HMCN2: variants seen among roughly 807,000 people sequenced by gnomAD.
The protein encoded by HMCN2 is hemicentin 2.
HMCN2 carries 325 observed loss-of-function variants against 377.5 expected under a neutral mutation model. That is an observed-to-expected ratio of 0.86 (90% confidence interval 0.79 to 0.94). The LOEUF is 0.94. HMCN2 is among the 40% of genes least tolerant of loss of function. The probability of loss-of-function intolerance (pLI) is 0.00; values close to 1 mark genes in which losing one functional copy is unlikely to be tolerated. For missense variants in HMCN2, 4,543 were observed against 4,725.3 expected (o/e 0.96, Z 1.13); for synonymous variants, 2,007 against 2,046.8 (o/e 0.98, Z 0.53).
intron 32 of HMCN2, among the ~76,000 whole-genome samples, chr9:130,355,271 C>A (rs1221664787): frequency 1.3e-5 from 2 of 152,138 alleles, no homozygotes; most frequent in Non-Finnish European, 2.9e-5. Flanking sequence ...CCTGACTGTG[C>A]CCAGGACCCT....
At chr9:130,332,870 C>T (rs918245292) in intron 22 of HMCN2, among the ~76,000 whole-genome samples, 1 of 152,236 alleles carries the variant, frequency 6.6e-6, no homozygotes, top group Non-Finnish European at 1.5e-5. Flanking sequence ...AGCCGTGCAG[C>T]AGGCTGGGTG....
intron 1 of HMCN2, among the ~76,000 whole-genome samples, chr9:130,282,209 C>T (rs1329907064): frequency 6.6e-6 from 1 of 152,228 alleles, no homozygotes; most frequent in Non-Finnish European, 1.5e-5. Context: ...CTCACGTTAG[C>T]AGTGCCTCTT....
chr9:130,359,304 C>A lies in HMCN2; in HGVS notation c.5678-15C>A. ...TTGCACCTACCAAGCTGGGTCTCTC[C>A]TTGTCTCCCCCTAGTGCCCCCCAAC... On this transcript the variant is annotated splice_polypyrimidine_tract_variant and intron_variant, in intron 36 of 97. Transcript: ENST00000683500. 1 of 1,294,576 alleles carries A rather than the reference C, an allele frequency of 7.7e-7. No homozygotes were observed. The highest frequency in any genetic ancestry group is 1.0e-6 in the Non-Finnish European group (1 of 980,724). 80.2% of individuals were successfully genotyped at this position (1,294,576 alleles called of 1,614,324 possible). A position where few individuals can be genotyped will look rare whatever the true frequency, so the allele number is the denominator to read the frequency against.
chr9:130,398,153 C>CA (rs397940740), intron 74 of HMCN2, among the ~76,000 whole-genome samples: 1,413 of 33,858 alleles, frequency 0.042, 109 homozygotes, highest in African/African-American at 0.076. Context: ...ACTCCGTCTA[C>CA]AAAAAAAAAA....
At chr9:130,334,909 A>C (rs1838661238) in intron 22 of HMCN2, among the ~76,000 whole-genome samples, 1 of 151,010 alleles carries the variant, frequency 6.6e-6, no homozygotes, top group Non-Finnish European at 1.5e-5. Flanking sequence ...ACAGTGGCAC[A>C]ACCAGAGCTC....
chr9:130,424,793 C>A lies in HMCN2; in HGVS notation c.13399C>A (p.Leu4467Ile). 6.5e-7 allele frequency: 1 copy of A among 1,540,346 alleles called. No homozygotes were observed. Among genetic ancestry groups the A allele is most frequent in the Non-Finnish European group, 8.8e-7 (1 of 1,141,180 alleles). The change falls in exon 88 of 98, where the codon CTC becomes ATC. Residue 4467 changes from leucine to isoleucine, a missense_variant. By Grantham distance (5) the Leu-to-Ile change is conservative. This residue lies in a region of HMCN2 where 1,155 missense variants were observed against 1,157.7 expected (regional missense o/e 1.00). Transcript: ENST00000683500. The part of the protein sequence containing the change: ...PANVGPLMRV[L>I]VVTIAPIYWA... ...CCACCCAGGGCCTCTGATGCGGGTGCTCGTGGTCACCATCGCCCCCATCTA... is the reference window on the plus strand; with the variant it reads ...CCACCCAGGGCCTCTGATGCGGGTGATCGTGGTCACCATCGCCCCCATCTA...
At position 130,429,406 on chromosome 9, in the gene HMCN2, G is replaced by A. The variant is rs60096172; in HGVS notation, c.14198-151G>A. The A allele has an allele frequency of 2.7e-3, 2,390 of 876,642 alleles. 49 individuals are homozygous for A. The Admixed American group carries it at 0.034, about 13-fold the overall frequency. 54.3% of individuals were successfully genotyped at this position (876,642 alleles called of 1,614,324 possible). On this transcript the variant is annotated intron_variant, in intron 93 of 97. Transcript: ENST00000683500. ...CCTCCAACCTGGTATAACTGGGGGA[G>A]GTGCTGTGAGGGCGGCCATGCAGCC...
chr9:130,348,697 G>A, intron 27 of HMCN2, 22 bp downstream of exon 27: 1 of 1,303,032 alleles, frequency 7.7e-7, no homozygotes, highest in Non-Finnish European at 1.0e-6. Context: ...CCTAGGGTGG[G>A]CGGGGTATGG....
chr9:130,315,893 C>T (rs1293613581), intron 15 of HMCN2, among the ~76,000 whole-genome samples: 1 of 152,158 alleles, frequency 6.6e-6, no homozygotes, highest in African/African-American at 2.4e-5. Context: ...TGGTAGGGGC[C>T]TCACTCTCAT....
In HMCN2 at chr9:130,395,976, C is replaced by T. The variant is rs1842587767; in HGVS notation, c.10964C>T (p.Ala3655Val). The stretch of plus-strand genomic sequence containing the variant: ...CGGGGCAGGTTCCTCCAGCTGCAGG[C>T]CCTGAGCACGGCTGACAGCGGCGAC... ...PERGRFLQLQ[A>V]LSTADSGDYS... Residue 3655 changes from alanine (A) to valine (V), a missense_variant, in exon 72 of 98, where the codon GCC becomes GTC. Physicochemically the swap from Ala to Val is moderately conservative, Grantham distance 64. Coordinates refer to ENST00000683500, the MANE Select transcript of HMCN2 (RefSeq NM_001291815.2). 1 of 1,287,600 alleles carries T rather than the reference C, an allele frequency of 7.8e-7. No individual in the cohort carries two copies. The highest frequency in any genetic ancestry group is 1.0e-6 in the Non-Finnish European group (1 of 988,740). 79.8% of individuals were successfully genotyped at this position (1,287,600 alleles called of 1,614,324 possible). A position where few individuals can be genotyped will look rare whatever the true frequency, so the allele number is the denominator to read the frequency against.
chr9:130,276,800 C>T (rs955214012), intron 1 of HMCN2, among the ~76,000 whole-genome samples: 2 of 152,130 alleles, frequency 1.3e-5, no homozygotes, highest in Non-Finnish European at 2.9e-5. Flanking sequence ...AACCCCTGCC[C>T]TTTAGAGATG....
intron 6 of HMCN2, 109 bp from the exon 7 acceptor site, chr9:130,296,562 CAGG>C (rs1332551734): frequency 2.0e-5 from 8 of 400,694 alleles, no homozygotes; most frequent in Admixed American, 1.8e-4. Flanking sequence ...TCTACAAAAG[CAGG>C]AGGATTCCAG....
intron 15 of HMCN2, 135 bp from the exon 16 acceptor site, chr9:130,319,360 G>C (rs1030529255): frequency 6.6e-6 from 1 of 152,300 alleles, no homozygotes; most frequent in Non-Finnish European, 1.5e-5. Context: ...GTTGACCCTG[G>C]AGCCCTGGAC....
chr9:130,277,748 CCACCAT>C (rs1564739273), intron 1 of HMCN2, among the ~76,000 whole-genome samples: 6 of 147,136 alleles, frequency 4.1e-5, no homozygotes, highest in South Asian at 2.2e-4. Flanking sequence ...ATCACCACCA[CCACCAT>C]CATCATCATC....
chr9:130,402,936 A>G (rs1317208367), intron 78 of HMCN2, 40 bp downstream of exon 78: 2 of 1,270,206 alleles, frequency 1.6e-6, no homozygotes, highest in Non-Finnish European at 2.1e-6. Context: ...TCCTAGGGCC[A>G]GGGGAGCAGG....
Position 130,425,843 on chromosome 9 carries a change from C to T in HMCN2, c.13798C>T (p.Leu4600=), listed in dbSNP as rs1370061293. Residue 4600 remains leucine (L), a synonymous_variant, in exon 90 of 98, where the codon CTG becomes TTG. Coordinates refer to ENST00000683500, the MANE Select transcript of HMCN2 (RefSeq NM_001291815.2). ...CCCCCAGCCCCAGCTGGTGCAGCAC[C>T]TGCGGGCCTCAGCTATCAGCTCGGC... ...RGPQPQLVQH[L]RASAISSAFD... is the part of the protein sequence containing the mutation. 6.4e-7 allele frequency: 1 copy of T among 1,550,492 alleles called. No homozygotes were observed. Among genetic ancestry groups the T allele is most frequent in the South Asian group, 1.2e-5 (1 of 84,058 alleles).
chr9:130,355,796 G>A lies in HMCN2; in HGVS notation c.5197G>A (p.Val1733Met), dbSNP rs939630715. The change falls in exon 33 of 98, where the codon GTG (valine) becomes ATG (methionine). Residue 1733 changes from valine (V) to methionine (M), a missense_variant. Physicochemically the swap from Val to Met is conservative, Grantham distance 21. Coordinates refer to ENST00000683500, the MANE Select transcript of HMCN2 (RefSeq NM_001291815.2). The part of the protein sequence containing the change: ...AEGLGQVTTI[V>M]GQPLELPCQA... ...AGGCTTGGGACAGGTGACCACCATC[G>A]TGGGACAGCCCCTGGAACTTCCCTG... is the stretch of plus-strand genomic sequence containing the variant. 1.5e-5 allele frequency: 20 copies of A among 1,303,756 alleles called. No homozygotes were observed. Among genetic ancestry groups the A allele is most frequent in the East Asian group, 5.5e-5 (1 of 18,038 alleles). The allele number at this position is 1,303,756 out of a possible 1,614,324, so 80.8% of individuals were successfully genotyped here. A position where few individuals can be genotyped will look rare whatever the true frequency, so the allele number is the denominator to read the frequency against.
In HMCN2 at chr9:130,277,931, T is replaced by C. The variant is rs868983674; in HGVS notation, c.260-6672T>C. ...ATCACCACCACCACCATCATCATCA[T>C]CACCACCACCATCATCATCATCACC... On this transcript the variant is annotated intron_variant, in intron 1 of 97. Coordinates refer to ENST00000683500, the MANE Select transcript of HMCN2 (RefSeq NM_001291815.2). 3.5e-4 allele frequency among the ~76,000 whole-genome samples: 12 copies of C among 33,916 alleles called. 1 individual carries two copies. The highest frequency in any genetic ancestry group is 5.8e-4 in the African/African-American group (3 of 5,166). The allele number at this position is 33,916 out of a possible 152,430, so 22.3% of individuals were successfully genotyped here.
intron 43 of HMCN2, among the ~76,000 whole-genome samples, chr9:130,366,319 T>C (rs1840684939): frequency 6.6e-6 from 1 of 152,170 alleles, no homozygotes; most frequent in South Asian, 2.1e-4. Flanking sequence ...CCCTGTCACT[T>C]GTCATGTCAC....
Sources: gnomAD v4.1 joint callset for allele counts (sites outside exome capture counted in the v4.1 genomes callset) on GRCh38, gnomAD v4.1.1 for gene constraint, gnomAD v4.1.1 regional missense constraint, MANE v1.5 for transcripts, NCBI Gene and HGNC (gene_info 2026-07-23, HGNC 2026-07-21) for gene names.